The following PAX5 variants were observed in gnomAD, a reference collection of about 807,000 sequenced individuals.
PAX5 encodes paired box protein Pax-5.
Under a neutral mutation model 43.7 loss-of-function variants are expected in PAX5, and 9 were observed. The ratio of observed to expected loss-of-function variants is 0.21; its 90% CI spans 0.12 to 0.36. The LOEUF (loss-of-function observed/expected upper bound fraction) is 0.36, where lower values mean the gene tolerates loss of function less well. Ranked by LOEUF, PAX5 falls within the 10% of genes least tolerant of loss-of-function variation. The pLI is 1.00. For synonymous variants in PAX5, 228 were observed against 214.3 expected, an observed-to-expected ratio of 1.06 and a Z score of -0.56; for missense variants, 383 against 532.7, an observed-to-expected ratio of 0.72 and a Z score of 2.77.
chr9:36,964,942 G>A (rs1007537363), intron 6 of PAX5, among the ~76,000 whole-genome samples: 4 of 151,978 alleles, frequency 2.6e-5, no homozygotes, highest in African/African-American at 2.4e-5. Flanking sequence ...ATCATCGCCC[G>A]CCCATCCCTG....
At chr9:36,864,000 T>C (rs1444841200) in intron 8 of PAX5, among the ~76,000 whole-genome samples, 3 of 152,152 alleles carry the variant, frequency 2.0e-5, no homozygotes, top group African/African-American at 4.8e-5. Flanking sequence ...TCCCAGCTAC[T>C]CGGGAGGCTG....
intron 8 of PAX5, among the ~76,000 whole-genome samples, chr9:36,850,075 T>C (rs921402115): frequency 3.9e-5 from 6 of 152,152 alleles, no homozygotes; most frequent in Admixed American, 1.3e-4. Context: ...AGGACTTTGA[T>C]GGCAGAGAGA....
Position 36,833,539 on chromosome 9 carries a change from T to G in PAX5, c.*7021A>C. The G allele has an allele frequency of 4.3e-6, 1 of 232,354 alleles. No individual in the cohort carries two copies. The highest frequency in any genetic ancestry group is 6.1e-5 in the East Asian group (1 of 16,528). The allele number at this position is 232,354 out of a possible 1,614,324, so 14.4% of individuals were successfully genotyped here. ...CAAGGAAAAAAAAGTAAAAAAAAAA[T>G]TAAACCAAAACCCCACCCCTGTTTT... On this transcript the variant is annotated 3_prime_UTR_variant, in exon 10 of 10. Coordinates refer to ENST00000358127, the MANE Select transcript of PAX5 (RefSeq NM_016734.3).
intron 1 of PAX5, among the ~76,000 whole-genome samples, chr9:37,025,190 TTTGGTGGA>T (rs2132526977): frequency 6.6e-6 from 1 of 152,256 alleles, no homozygotes; most frequent in African/African-American, 2.4e-5. Context: ...TCCCCACCGC[TTTGGTGGA>T]TTACTTCAGA....
chr9:37,019,531 T>A (rs1020188394), intron 2 of PAX5, among the ~76,000 whole-genome samples: 7 of 152,216 alleles, frequency 4.6e-5, no homozygotes, highest in African/African-American at 1.7e-4. Flanking sequence ...TTAGAAGCTG[T>A]TGCTCCTTCC....
chr9:36,863,369 G>A (rs1170558420), intron 8 of PAX5, among the ~76,000 whole-genome samples: 3 of 152,194 alleles, frequency 2.0e-5, no homozygotes, highest in Non-Finnish European at 2.9e-5. Flanking sequence ...TCTCACACGA[G>A]CCTCCCGCCT....
At position 36,854,238 on chromosome 9, in the gene PAX5, C is replaced by T. The variant is rs111736730; in HGVS notation, c.1013-7309G>A. On this transcript the variant is annotated intron_variant, in intron 8 of 9. Transcript: ENST00000358127. ...GGATCGGCGGCTACCCGGGATGTTG[C>T]GGGACCAAACTGTTGACGACCAGAG... Among the ~76,000 whole-genome samples, 631 of 152,290 alleles carry T rather than the reference C, an allele frequency of 4.1e-3. 4 individuals carry two copies. The highest frequency in any genetic ancestry group is 0.014 in the African/African-American group (586 of 41,554).
intron 7 of PAX5, among the ~76,000 whole-genome samples, chr9:36,921,475 C>T (rs1031666793): frequency 2.0e-5 from 3 of 152,192 alleles, no homozygotes; most frequent in African/African-American, 4.8e-5. Flanking sequence ...GCCAGCAGCA[C>T]GGGCCCTGGC....
intron 7 of PAX5, among the ~76,000 whole-genome samples, chr9:36,898,285 T>G (rs1587908546): frequency 6.6e-6 from 1 of 152,262 alleles, no homozygotes; most frequent in Non-Finnish European, 1.5e-5. Context: ...TGCATATTAT[T>G]TATGCGGCCT....
At chr9:37,028,753 G>T (rs111236901) in intron 1 of PAX5, among the ~76,000 whole-genome samples, 2,015 of 152,354 alleles carry the variant, frequency 0.013, 51 homozygotes, top group African/African-American at 0.045. Flanking sequence ...AAGCAAAGCG[G>T]CCAGGCGCGC....
chr9:37,024,850 C>A (rs886722031), intron 1 of PAX5, among the ~76,000 whole-genome samples: 1 of 152,174 alleles, frequency 6.6e-6, no homozygotes, highest in Non-Finnish European at 1.5e-5. Context: ...TCTGGGCCAC[C>A]GAGCGCTGGG....
At chr9:36,894,112 A>G (rs1827651756) in intron 7 of PAX5, among the ~76,000 whole-genome samples, 1 of 152,198 alleles carries the variant, frequency 6.6e-6, no homozygotes, top group Admixed American at 6.5e-5. Context: ...ATATCAAGCC[A>G]TCTCCAAACT....
At chr9:37,029,038 A>G (rs547184165) in intron 1 of PAX5, among the ~76,000 whole-genome samples, 10 of 152,220 alleles carry the variant, frequency 6.6e-5, no homozygotes, top group African/African-American at 9.6e-5. Flanking sequence ...AACGACGCTG[A>G]GGATTCCCTT....
At chr9:36,931,940 T>G (rs760292228) in intron 6 of PAX5, among the ~76,000 whole-genome samples, 1 of 151,918 alleles carries the variant, frequency 6.6e-6, no homozygotes, top group African/African-American at 2.4e-5. Context: ...ATGGATGTGC[T>G]AACTTTGTGG....
chr9:37,032,107 C>T (rs1841042712), intron 1 of PAX5, among the ~76,000 whole-genome samples: 3 of 152,146 alleles, frequency 2.0e-5, no homozygotes, highest in South Asian at 2.1e-4. Flanking sequence ...GAGGAGGGGG[C>T]GTGGCTCTCT....
At chr9:37,031,077 C>T (rs3739440) in intron 1 of PAX5, among the ~76,000 whole-genome samples, 16,301 of 152,306 alleles carry the variant, frequency 0.11, 1,040 homozygotes, top group East Asian at 0.2. Context: ...ATGATTCCTG[C>T]CCCTGGATCA....
At chr9:37,021,551 A>T (rs972974365) in intron 1 of PAX5, among the ~76,000 whole-genome samples, 3 of 152,210 alleles carry the variant, frequency 2.0e-5, no homozygotes, top group Admixed American at 2.0e-4. Context: ...ATGTTTTGCA[A>T]TTGACATATA....
At chr9:36,912,811 C>A (rs945690502) in intron 7 of PAX5, among the ~76,000 whole-genome samples, 1 of 152,224 alleles carries the variant, frequency 6.6e-6, no homozygotes, top group Non-Finnish European at 1.5e-5. Context: ...CTCAGACACC[C>A]CTTCGGTGGC....
chr9:36,934,339 CAT>C (rs963974993), intron 6 of PAX5, among the ~76,000 whole-genome samples: 35 of 152,182 alleles, frequency 2.3e-4, no homozygotes, highest in Non-Finnish European at 4.1e-4. Flanking sequence ...GTGCTAGACT[CAT>C]AAATAAATAC....
Sources: gnomAD v4.1 joint callset for allele counts (sites outside exome capture counted in the v4.1 genomes callset) on GRCh38, gnomAD v4.1.1 for gene constraint, MANE v1.5 for transcripts, NCBI Gene and HGNC (gene_info 2026-07-23, HGNC 2026-07-21) for gene names.